Variants in PLXNA2 observed in about 807,000 individuals in gnomAD.
PLXNA2 encodes plexin-A2.
Under a neutral mutation model 193.5 loss-of-function variants are expected in PLXNA2, and 91 were observed. The ratio of observed to expected loss-of-function variants is 0.47; its 90% CI spans 0.40 to 0.56. The LOEUF is 0.56. Ranked by LOEUF, PLXNA2 falls within the 20% of genes least tolerant of loss-of-function variation. The probability of loss-of-function intolerance (pLI) is 0.00; values close to 1 mark genes in which losing one functional copy is unlikely to be tolerated. For synonymous variants in PLXNA2, 997 were observed against 1,027.3 expected, an observed-to-expected ratio of 0.97 and a Z score of 0.56; for missense variants, 1,995 against 2,503.2, an observed-to-expected ratio of 0.80 and a Z score of 4.33.
At position 208,060,643 on chromosome 1, in the gene PLXNA2, T is replaced by G. The variant is rs1185166785; in HGVS notation, c.2738+43A>C. On this transcript the variant is annotated intron_variant, in intron 13 of 31. Coordinates refer to ENST00000367033, the MANE Select transcript of PLXNA2 (RefSeq NM_025179.4). ...AGAGGGGAGAGTCTCCAGTCTCCACTCTGAAGCTCCCATGGGAAAAGGGCT... is the reference window on the plus strand; with the variant it reads ...AGAGGGGAGAGTCTCCAGTCTCCACGCTGAAGCTCCCATGGGAAAAGGGCT... 2.5e-6 allele frequency: 4 copies of G among 1,573,202 alleles called. No homozygotes were observed. In the Admixed American group the frequency reaches 7.1e-5, roughly 28 times the overall value.
At chr1:208,142,162 T>C (rs1478274318) in intron 4 of PLXNA2, among the ~76,000 whole-genome samples, 167 bp downstream of exon 4, 6 of 152,140 alleles carry the variant, frequency 3.9e-5, no homozygotes, top group Non-Finnish European at 2.9e-5. Context: ...CCCGGCTGCT[T>C]CTCTCTAGCT....
chr1:208,147,803 T>C (rs1044579076), intron 3 of PLXNA2, among the ~76,000 whole-genome samples: 2 of 152,150 alleles, frequency 1.3e-5, no homozygotes, highest in African/African-American at 4.8e-5. Flanking sequence ...AGATGGGTCA[T>C]CTAAAAGTCC....
rs1285785283 is a variant in PLXNA2, at chr1:208,098,452, TCTCTCTCACACACACACACA to T, written c.1731+374_1731+393del. Among the ~76,000 whole-genome samples, 6 of 120,736 alleles carry T rather than the reference TCTCTCTCACACACACACACA, an allele frequency of 5.0e-5. No individual in the cohort carries two copies. In the Admixed American group the frequency reaches 5.4e-4, roughly 11 times the overall value. 79.2% of individuals were successfully genotyped at this position (120,736 alleles called of 152,430 possible). ...TCTTTCCTCTCTCTCTCTCTCTCTC[TCTCTCTCACACACACACACA>T]CACACACACACACACACACATGCAA... On this transcript the variant is annotated intron_variant, in intron 6 of 31. Transcript: ENST00000367033.
At chr1:208,116,637 A>G (rs1368418981) in intron 4 of PLXNA2, among the ~76,000 whole-genome samples, 3 of 152,212 alleles carry the variant, frequency 2.0e-5, no homozygotes, top group Admixed American at 6.5e-5. Context: ...GCTCAGCCTC[A>G]CCACATACTC....
At chr1:208,131,690 G>A (rs1668160151) in intron 4 of PLXNA2, among the ~76,000 whole-genome samples, 1 of 152,204 alleles carries the variant, frequency 6.6e-6, no homozygotes, top group Admixed American at 6.5e-5. Flanking sequence ...CAGAGAAGCT[G>A]AATCGGGGCT....
chr1:208,132,574 C>G (rs1267759668), intron 4 of PLXNA2, among the ~76,000 whole-genome samples: 1 of 152,116 alleles, frequency 6.6e-6, no homozygotes, highest in East Asian at 1.9e-4. Context: ...TGTTTGTAAA[C>G]TAAAATAAGA....
In PLXNA2 at chr1:208,217,758, G is replaced by A; in HGVS notation, c.165C>T (p.Val55=). 6.2e-7 allele frequency: 1 copy of A among 1,614,194 alleles called. No homozygotes were observed. The highest frequency in any genetic ancestry group is 2.2e-5 in the East Asian group (1 of 44,886). The change falls in exon 2 of 32, where the codon GTC becomes GTT. Residue 55 remains valine, a synonymous_variant. Coordinates refer to ENST00000367033, the MANE Select transcript of PLXNA2 (RefSeq NM_025179.4). The surrounding 1 kb of genome is among the most constrained non-coding windows in gnomAD (Gnocchi z 4.7). ...CATAGACGGCCCCCGTCCCTTGGTGGACGGTCAAGTGGTTGAAGGTCCAGT... is the reference window on the plus strand; with the variant it reads ...CATAGACGGCCCCCGTCCCTTGGTGAACGGTCAAGTGGTTGAAGGTCCAGT... ...NRDWTFNHLT[V]HQGTGAVYVG...
intron 3 of PLXNA2, among the ~76,000 whole-genome samples, chr1:208,208,392 C>G (rs568233908): frequency 7.2e-5 from 11 of 152,320 alleles, no homozygotes; most frequent in African/African-American, 2.4e-4. Context: ...TATGCTTGGG[C>G]AAGTCAATTT....
intron 9 of PLXNA2, among the ~76,000 whole-genome samples, chr1:208,088,171 C>T (rs866500060): frequency 2.0e-5 from 3 of 152,158 alleles, no homozygotes; most frequent in African/African-American, 7.2e-5. Context: ...AAGACTTAAA[C>T]TTGTAGGAAT....
At position 208,034,579 on chromosome 1, in the gene PLXNA2, G is replaced by T; in HGVS notation, c.4778C>A (p.Ser1593Ter). The change falls in exon 27 of 32, where the codon TCG (serine) becomes TAG (stop). Residue 1593 changes from serine (S) to a stop codon, truncating the protein, a stop_gained. Transcript: ENST00000367033. LOFTEE classifies it high-confidence loss of function. Reference protein sequence around the residue: ...TLMHYQVSDRSVVALVPKQTS... With the variant: ...TLMHYQVSDR ...CTGTTTGGGGACCAGAGCCACCACC[G>T]ACCTGTCTGACACCTGAGAAGGGTA... The T allele has an allele frequency of 6.2e-7, 1 of 1,610,802 alleles. No individual in the cohort carries two copies. The highest frequency in any genetic ancestry group is 1.1e-5 in the South Asian group (1 of 90,972).
At chr1:208,176,714 A>G (rs1669672614) in intron 3 of PLXNA2, among the ~76,000 whole-genome samples, 1 of 152,248 alleles carries the variant, frequency 6.6e-6, no homozygotes, top group South Asian at 2.1e-4. Context: ...ACCTGGCATT[A>G]TCTTTCAAAA....
At chr1:208,102,165 G>A (rs892568978) in intron 5 of PLXNA2, among the ~76,000 whole-genome samples, 1 of 152,190 alleles carries the variant, frequency 6.6e-6, no homozygotes, top group Non-Finnish European at 1.5e-5. Context: ...TTGCATCTGT[G>A]AGGCACCAGC....
intron 29 of PLXNA2, 200 bp from the exon 30 acceptor site, chr1:208,029,242 T>C: frequency 7.2e-7 from 1 of 1,398,042 alleles, no homozygotes. Context: ...AGGCACTTTG[T>C]ACCCTAATGG....
chr1:208,060,936 G>T (rs1665600779), intron 12 of PLXNA2, 99 bp from the exon 13 acceptor site: 1 of 1,041,004 alleles, frequency 9.6e-7, no homozygotes. Flanking sequence ...AACCTCCATA[G>T]GTTCTTAAAT....
At chr1:208,118,517 C>T (rs1404099164) in intron 4 of PLXNA2, among the ~76,000 whole-genome samples, 2 of 152,200 alleles carry the variant, frequency 1.3e-5, no homozygotes, top group East Asian at 3.9e-4. Flanking sequence ...GTGCTTCTGC[C>T]TCCCCCACCC....
At chr1:208,103,291 C>G (rs370835386) in intron 4 of PLXNA2, 44 bp from the exon 5 acceptor site, 2 of 1,459,648 alleles carry the variant, frequency 1.4e-6, no homozygotes, top group African/African-American at 2.8e-5. Flanking sequence ...TAGGCTGTGA[C>G]GACTAGCAGG....
chr1:208,206,588 GTCTCATCTAGTC>G (rs1176977617), intron 3 of PLXNA2, among the ~76,000 whole-genome samples: 1 of 152,030 alleles, frequency 6.6e-6, no homozygotes, highest in Non-Finnish European at 1.5e-5. Context: ...CAGTTCTTCT[GTCTCATCTAGTC>G]TATAAGCAGA....
intron 1 of PLXNA2, among the ~76,000 whole-genome samples, chr1:208,221,926 C>G (rs1431065395): frequency 6.6e-6 from 1 of 152,150 alleles, no homozygotes; most frequent in African/African-American, 2.4e-5. Context: ...ATCTAACTAT[C>G]TATATAAAAT....
intron 3 of PLXNA2, among the ~76,000 whole-genome samples, chr1:208,166,368 G>A (rs914541512): frequency 3.7e-4 from 56 of 152,228 alleles, no homozygotes; most frequent in African/African-American, 1.2e-3. Flanking sequence ...AGCCCACTGA[G>A]CTGGCAGCAG....
Sources: gnomAD v4.1 joint callset for allele counts (sites outside exome capture counted in the v4.1 genomes callset) on GRCh38, gnomAD v4.1.1 for gene constraint, Gnocchi (gnomAD v3.1) non-coding constraint, MANE v1.5 for transcripts, NCBI Gene and HGNC (gene_info 2026-07-23, HGNC 2026-07-21) for gene names.